C1orf185: variants seen among roughly 807,000 people sequenced by gnomAD.
C1orf185 encodes chromosome 1 open reading frame 185.
C1orf185 carries 13 observed loss-of-function variants against 16.1 expected under a neutral mutation model. The ratio of observed to expected loss-of-function variants is 0.81; its 90% CI spans 0.53 to 1.28. The LOEUF (loss-of-function observed/expected upper bound fraction) is 1.28. C1orf185 is among the 50% of genes most tolerant of loss of function. C1orf185 has a pLI of 0.00. For missense variants in C1orf185, 220 were observed against 225.2 expected (o/e 0.98, Z 0.15); for synonymous variants, 80 against 76.9 (o/e 1.04, Z -0.21).
chr1:51,116,358 G>A (rs1646157889), intron 2 of C1orf185, among the ~76,000 whole-genome samples: 1 of 146,370 alleles, frequency 6.8e-6, no homozygotes, highest in Admixed American at 6.9e-5. Context: ...TCTGTCACCA[G>A]GCTGGAGTGC....
At chr1:51,132,055 C>A (rs1180321856) in intron 3 of C1orf185, among the ~76,000 whole-genome samples, 1 of 152,016 alleles carries the variant, frequency 6.6e-6, no homozygotes, top group Non-Finnish European at 1.5e-5. Context: ...CACCTTATAC[C>A]AAAATAAAAC....
intron 1 of C1orf185, among the ~76,000 whole-genome samples, chr1:51,108,882 G>A (rs1331860612): frequency 6.6e-6 from 1 of 152,200 alleles, no homozygotes; most frequent in East Asian, 1.9e-4. Context: ...AAATACAGGG[G>A]TACAGATGTC....
chr1:51,110,748 C>CACTTG lies in C1orf185; in HGVS notation c.17-1714_17-1710dup, dbSNP rs1490670274. 5.3e-5 allele frequency among the ~76,000 whole-genome samples: 8 copies of CACTTG among 152,072 alleles called. No homozygotes were observed. In the East Asian group the frequency reaches 1.5e-3, roughly 29 times the overall value. On this transcript the variant is annotated intron_variant, in intron 1 of 4. Coordinates refer to ENST00000371759, the MANE Select transcript of C1orf185 (RefSeq NM_001136508.2). ...CTGCGGGAGGCTGAGGTGGGTGAAT[C>CACTTG]ACTTGAGGTCAGGAGTTAGAGACCA...
chr1:51,140,682 T>C (rs1313841367), intron 3 of C1orf185, among the ~76,000 whole-genome samples: 6 of 152,226 alleles, frequency 3.9e-5, no homozygotes, highest in Admixed American at 1.3e-4. Flanking sequence ...ATGTTACCTA[T>C]TTCTCCTAGA....
At chr1:51,119,319 G>A (rs562897271) in intron 3 of C1orf185, among the ~76,000 whole-genome samples, 127 of 152,336 alleles carry the variant, frequency 8.3e-4, no homozygotes, top group Middle Eastern at 3.4e-3. Flanking sequence ...GATATGGTAA[G>A]CGTCAACACA....
downstream of C1orf185, among the ~76,000 whole-genome samples, chr1:51,148,722 T>C (rs1364351510): frequency 6.7e-6 from 1 of 150,098 alleles, no homozygotes; most frequent in Non-Finnish European, 1.5e-5. Context: ...AGCCCAGGAG[T>C]TTGAGACCAG....
chr1:51,133,146 G>A (rs1459873525), intron 3 of C1orf185, among the ~76,000 whole-genome samples: 2 of 152,022 alleles, frequency 1.3e-5, no homozygotes, highest in South Asian at 2.1e-4. Flanking sequence ...AAGCAACCAC[G>A]TAAGCAAGTC....
chr1:51,107,599 T>G (rs1203992592), intron 1 of C1orf185, among the ~76,000 whole-genome samples: 1 of 152,212 alleles, frequency 6.6e-6, no homozygotes, highest in Non-Finnish European at 1.5e-5. Context: ...TTTTCAGTTT[T>G]ATTCATACTG....
intron 3 of C1orf185, among the ~76,000 whole-genome samples, chr1:51,142,530 T>C (rs1053474885): frequency 6.6e-6 from 1 of 152,226 alleles, no homozygotes; most frequent in African/African-American, 2.4e-5. Context: ...ATCTAGAGTT[T>C]CCAATGTGGA....
chr1:51,105,427 C>G (rs1391276461), intron 1 of C1orf185, among the ~76,000 whole-genome samples: 2 of 151,996 alleles, frequency 1.3e-5, no homozygotes, highest in African/African-American at 4.8e-5. Flanking sequence ...TTATAACACC[C>G]ATAATACTTT....
intron 3 of C1orf185, 54 bp downstream of exon 3, chr1:51,118,855 G>T: frequency 8.2e-7 from 1 of 1,224,262 alleles, no homozygotes; most frequent in Non-Finnish European, 1.1e-6. Context: ...TTGATACCAT[G>T]TTATTAGCAT....
At chr1:51,118,199 C>T (rs756312598) in intron 2 of C1orf185, among the ~76,000 whole-genome samples, 1 of 152,186 alleles carries the variant, frequency 6.6e-6, no homozygotes, top group African/African-American at 2.4e-5. Context: ...GGATTACAGG[C>T]GTAAGCCACC....
At chr1:51,128,722 A>AAATAG (rs1265096089) in intron 3 of C1orf185, among the ~76,000 whole-genome samples, 3 of 151,984 alleles carry the variant, frequency 2.0e-5, no homozygotes, top group African/African-American at 7.3e-5. Context: ...AAATAAAATA[A>AAATAG]AATAGCTTTT....
Position 51,112,496 on chromosome 1 carries a change from GCTGGTGCTGTCA to G in C1orf185, c.52_63del (p.Gly18_Thr21del). On this transcript the variant is annotated inframe_deletion, in exon 2 of 5. Coordinates refer to ENST00000371759, the MANE Select transcript of C1orf185 (RefSeq NM_001136508.2). ...TAATTACTTGACCTATTTTCTTGCT[GCTGGTGCTGTCA>G]CTTTGGGAATTGGTTTCTTTGCTTT... 5 of 1,550,376 alleles carry G rather than the reference GCTGGTGCTGTCA, an allele frequency of 3.2e-6. No individual in the cohort carries two copies. Among genetic ancestry groups the G allele is most frequent in the South Asian group, 1.2e-5 (1 of 83,632 alleles).
intron 3 of C1orf185, among the ~76,000 whole-genome samples, chr1:51,131,429 T>C (rs1195006295): frequency 6.6e-6 from 1 of 152,216 alleles, no homozygotes; most frequent in Non-Finnish European, 1.5e-5. Flanking sequence ...GTCTTCTCTC[T>C]TATTAAGAGT....
At chr1:51,141,892 C>T (rs1334654635) in intron 3 of C1orf185, among the ~76,000 whole-genome samples, 1 of 151,982 alleles carries the variant, frequency 6.6e-6, no homozygotes, top group African/African-American at 2.4e-5. Context: ...AGTGCAGTGG[C>T]ACCATCTTGG....
chr1:51,112,446 T>C lies in C1orf185; in HGVS notation c.17-18T>C, dbSNP rs1398289369. On this transcript the variant is annotated intron_variant, in intron 1 of 4. Coordinates refer to ENST00000371759, the MANE Select transcript of C1orf185 (RefSeq NM_001136508.2). ...AAAATACATGCATGAAATAATCTTT[T>C]GTAATTTGTTTGTATAGGTTTTTTT... is the stretch of plus-strand genomic sequence containing the variant. 2 of 1,505,670 alleles carry C rather than the reference T, an allele frequency of 1.3e-6. No homozygotes were observed. The highest frequency in any genetic ancestry group is 2.5e-5 in the East Asian group (1 of 40,658). The allele number at this position is 1,505,670 out of a possible 1,614,324, so 93.3% of individuals were successfully genotyped here.
At chr1:51,102,447 A>T (rs1166296974) in intron 1 of C1orf185, 198 bp downstream of exon 1, 2 of 416,332 alleles carry the variant, frequency 4.8e-6, no homozygotes, top group East Asian at 7.0e-5. Flanking sequence ...GTAACTACTG[A>T]TTCAATTTAA....
chr1:51,120,186 C>A (rs1318599245), intron 3 of C1orf185, among the ~76,000 whole-genome samples: 2 of 152,054 alleles, frequency 1.3e-5, no homozygotes, highest in Non-Finnish European at 2.9e-5. Context: ...TGGAAAAAGA[C>A]GCTGGGGATG....
Sources: gnomAD v4.1 joint callset for allele counts (sites outside exome capture counted in the v4.1 genomes callset) on GRCh38, gnomAD v4.1.1 for gene constraint, MANE v1.5 for transcripts, NCBI Gene and HGNC (gene_info 2026-07-23, HGNC 2026-07-21) for gene names.